The following TAF1A variants were observed in gnomAD, a reference collection of about 807,000 sequenced individuals.
TAF1A encodes the protein TATA-box binding protein associated factor, RNA polymerase I subunit A.
TAF1A carries 42 observed loss-of-function variants against 61.6 expected under a neutral mutation model. The ratio of observed to expected loss-of-function variants is 0.68; its 90% CI spans 0.53 to 0.88. The LOEUF (loss-of-function observed/expected upper bound fraction) is 0.88. TAF1A is among the 40% of genes least tolerant of loss of function. TAF1A has a pLI of 0.00. For synonymous variants in TAF1A, 179 were observed against 177.7 expected, an observed-to-expected ratio of 1.01 and a Z score of -0.06; for missense variants, 424 against 518.7, an observed-to-expected ratio of 0.82 and a Z score of 1.77.
chr1:222,558,284 T>C (rs1367724887), downstream of TAF1A: 1 of 152,448 alleles, frequency 6.6e-6, no homozygotes, highest in African/African-American at 2.4e-5. Flanking sequence ...ATGGATTAAT[T>C]AGAATATAAA....
chr1:222,566,028 A>G (rs1280205536), intron 7 of TAF1A, among the ~76,000 whole-genome samples: 1 of 152,250 alleles, frequency 6.6e-6, no homozygotes, highest in Non-Finnish European at 1.5e-5. Context: ...ACTTTTCTCT[A>G]TCATTTCTTT....
chr1:222,557,381 G>A (rs560690205), downstream of TAF1A, among the ~76,000 whole-genome samples: 52 of 152,214 alleles, frequency 3.4e-4, no homozygotes, highest in South Asian at 8.7e-3. Context: ...CTATCCCACC[G>A]GTGAGTTTCC....
downstream of TAF1A, among the ~76,000 whole-genome samples, chr1:222,554,606 T>A (rs1021987985): frequency 6.6e-5 from 10 of 152,122 alleles, no homozygotes; most frequent in South Asian, 4.1e-4. Flanking sequence ...TTTTTTTAAT[T>A]TTTGTTGCTT....
At chr1:222,577,331 G>T in intron 5 of TAF1A, 114 bp downstream of exon 5, 1 of 776,478 alleles carries the variant, frequency 1.3e-6, no homozygotes, top group Non-Finnish European at 2.1e-6. Flanking sequence ...TCCATAAAAA[G>T]TCTGTTCTCC....
intron 9 of TAF1A, among the ~76,000 whole-genome samples, chr1:222,562,170 T>C (rs1250608564): frequency 6.6e-6 from 1 of 152,224 alleles, no homozygotes; most frequent in Non-Finnish European, 1.5e-5. Flanking sequence ...ATATTTAAGG[T>C]ATACAACATG....
At position 222,564,039 on chromosome 1, in the gene TAF1A, AAAC is replaced by A. The variant is rs771205610; in HGVS notation, c.961+17_961+19del. On this transcript the variant is annotated intron_variant, in intron 8 of 10. Transcript: ENST00000352967. ...CTATAGCTTGTCTACACAAGGTATA[AAAC>A]AACATTTATTTATTACCTGATTTTC... is the stretch of plus-strand genomic sequence containing the variant. 3 of 1,467,966 alleles carry A rather than the reference AAAC, an allele frequency of 2.0e-6. No individual in the cohort carries two copies. The highest frequency in any genetic ancestry group is 1.7e-5 in the Admixed American group (1 of 58,138). The allele number at this position is 1,467,966 out of a possible 1,614,324, so 90.9% of individuals were successfully genotyped here.
At chr1:222,570,853 C>T (rs1392598293) in intron 5 of TAF1A, among the ~76,000 whole-genome samples, 188 bp from the exon 6 acceptor site, 1 of 152,128 alleles carries the variant, frequency 6.6e-6, no homozygotes, top group East Asian at 1.9e-4. Flanking sequence ...GAAAAGAATA[C>T]TTCCTAACTT....
intron 2 of TAF1A, among the ~76,000 whole-genome samples, chr1:222,587,049 G>C (rs1661043787): frequency 1.3e-5 from 2 of 152,154 alleles, no homozygotes; most frequent in South Asian, 4.1e-4. Context: ...ACATACCCAA[G>C]TATGACTTAA....
intron 3 of TAF1A, among the ~76,000 whole-genome samples, chr1:222,581,414 G>C (rs182773207): frequency 1.5e-4 from 23 of 152,156 alleles, no homozygotes; most frequent in Non-Finnish European, 1.5e-5. Context: ...AATGGTGACT[G>C]TGTTAGTAAA....
chr1:222,576,181 T>G (rs905357698), intron 5 of TAF1A, among the ~76,000 whole-genome samples: 9 of 152,174 alleles, frequency 5.9e-5, no homozygotes, highest in African/African-American at 2.2e-4. Context: ...GGTGTAAGAA[T>G]GAGGGTTTGG....
intron 3 of TAF1A, among the ~76,000 whole-genome samples, chr1:222,582,641 C>T (rs1379070955): frequency 1.3e-5 from 2 of 152,196 alleles, no homozygotes; most frequent in Admixed American, 6.5e-5. Flanking sequence ...AAAACCTGTA[C>T]ACAAATGTTC....
intron 3 of TAF1A, 27 bp downstream of exon 3, chr1:222,584,101 C>T: frequency 6.3e-7 from 1 of 1,599,970 alleles, no homozygotes; most frequent in Non-Finnish European, 8.5e-7. Context: ...TCTATCATTT[C>T]TTCCAGCAAA....
At chr1:222,562,796 A>G (rs1330888457) in intron 9 of TAF1A, among the ~76,000 whole-genome samples, 2 of 152,168 alleles carry the variant, frequency 1.3e-5, no homozygotes, top group Non-Finnish European at 2.9e-5. Context: ...AAAATGATCA[A>G]ACACAGGTAG....
chr1:222,580,701 C>A (rs1200113533), intron 3 of TAF1A, among the ~76,000 whole-genome samples: 1 of 150,712 alleles, frequency 6.6e-6, no homozygotes, highest in Non-Finnish European at 1.5e-5. Flanking sequence ...TATTTGGGAG[C>A]TTAAAGAAAA....
At chr1:222,561,628 A>G in intron 9 of TAF1A, 110 bp from the exon 10 acceptor site, 2 of 1,143,640 alleles carry the variant, frequency 1.7e-6, no homozygotes, top group Non-Finnish European at 2.4e-6. Flanking sequence ...AGATGCTTCC[A>G]AGCTAAATTC....
chr1:222,575,322 A>G (rs894930550), intron 5 of TAF1A, among the ~76,000 whole-genome samples: 2 of 151,954 alleles, frequency 1.3e-5, no homozygotes, highest in Non-Finnish European at 2.9e-5. Flanking sequence ...GGGGTTCAAG[A>G]CCAGCCTAAG....
downstream of TAF1A, among the ~76,000 whole-genome samples, chr1:222,556,258 A>G (rs1659723997): frequency 6.6e-6 from 1 of 152,208 alleles, no homozygotes; most frequent in Admixed American, 6.5e-5. Flanking sequence ...AGAGAGTTGC[A>G]TGTCGTCACA....
chr1:222,570,159 T>C (rs1660290749), intron 6 of TAF1A, among the ~76,000 whole-genome samples: 1 of 152,164 alleles, frequency 6.6e-6, no homozygotes, highest in Non-Finnish European at 1.5e-5. Flanking sequence ...GACAGGACAT[T>C]CTTATGAACT....
At chr1:222,588,328 A>C in intron 2 of TAF1A, 115 bp downstream of exon 2, 1 of 1,318,680 alleles carries the variant, frequency 7.6e-7, no homozygotes, top group African/African-American at 1.5e-5. Flanking sequence ...TAGCCAAAAA[A>C]CCCTCCACAT....
Sources: gnomAD v4.1 joint callset for allele counts (sites outside exome capture counted in the v4.1 genomes callset) on GRCh38, gnomAD v4.1.1 for gene constraint, MANE v1.5 for transcripts, NCBI Gene and HGNC (gene_info 2026-07-23, HGNC 2026-07-21) for gene names.